Variants in GRIP1 observed in about 807,000 individuals in gnomAD.
GRIP1 encodes the protein glutamate receptor interacting protein 1.
GRIP1 carries 45 observed loss-of-function variants against 129.9 expected under a neutral mutation model. The ratio of observed to expected loss-of-function variants is 0.35; its 90% CI spans 0.27 to 0.44. GRIP1 has a LOEUF of 0.44. GRIP1 is among the 20% of genes least tolerant of loss of function. The pLI, the probability that GRIP1 is intolerant of heterozygous loss-of-function variation, is 1.00. For synonymous variants in GRIP1, 530 were observed against 520.8 expected, an observed-to-expected ratio of 1.02 and a Z score of -0.24; for missense variants, 1,196 against 1,396.8, an observed-to-expected ratio of 0.86 and a Z score of 2.29.
intron 7 of GRIP1, among the ~76,000 whole-genome samples, chr12:66,478,850 A>T (rs1161677012): frequency 6.6e-6 from 1 of 152,152 alleles, no homozygotes; most frequent in African/African-American, 2.4e-5. Context: ...GGACACAGGA[A>T]GGGGAACATC....
At chr12:66,610,851 A>C (rs2064762272) in intron 1 of GRIP1, among the ~76,000 whole-genome samples, 1 of 152,168 alleles carries the variant, frequency 6.6e-6, no homozygotes, top group Non-Finnish European at 1.5e-5. Flanking sequence ...ACCATTTATA[A>C]TATGTACTAT....
intron 1 of GRIP1, among the ~76,000 whole-genome samples, chr12:66,676,104 ATATT>A (rs2034315631): frequency 6.6e-6 from 1 of 152,194 alleles, no homozygotes; most frequent in Admixed American, 6.5e-5. Context: ...TAAAGAAAAA[ATATT>A]TATTGTTCAA....
At chr12:66,484,155 G>A (rs2059890413) in intron 7 of GRIP1, among the ~76,000 whole-genome samples, 1 of 152,056 alleles carries the variant, frequency 6.6e-6, no homozygotes, top group African/African-American at 2.4e-5. Context: ...CACTGCGCCC[G>A]GCCCATTATC....
chr12:66,427,386 G>A (rs2058020553), intron 14 of GRIP1, among the ~76,000 whole-genome samples: 1 of 151,984 alleles, frequency 6.6e-6, no homozygotes. Context: ...CCCCTCTTAG[G>A]AGCCTGCTGA....
chr12:66,859,286 AAAAAACAAAAAAAC>A (rs2040067289), intron 1 of GRIP1, among the ~76,000 whole-genome samples: 7 of 16,014 alleles, frequency 4.4e-4, no homozygotes, highest in South Asian at 0.01. Flanking sequence ...CAAAAAAACA[AAAAAACAAAAAAAC>A]AAAAAAAAAC....
At chr12:67,055,031 T>C (rs61917786) in intron 1 of GRIP1, among the ~76,000 whole-genome samples, 2,424 of 152,240 alleles carry the variant, frequency 0.016, 25 homozygotes, top group Middle Eastern at 0.037. Flanking sequence ...TCATAGGAAA[T>C]AGAATAGGGC....
At chr12:66,664,529 A>G (rs1208225348) in intron 1 of GRIP1, among the ~76,000 whole-genome samples, 1 of 152,212 alleles carries the variant, frequency 6.6e-6, no homozygotes, top group Non-Finnish European at 1.5e-5. Context: ...CAAATGCTAG[A>G]GAACTAAAAT....
chr12:66,915,090 C>A (rs182047175), intron 1 of GRIP1, among the ~76,000 whole-genome samples: 1 of 152,176 alleles, frequency 6.6e-6, no homozygotes, highest in African/African-American at 2.4e-5. Context: ...TTCCTAAAAT[C>A]TCAGTCTTCT....
intron 1 of GRIP1, among the ~76,000 whole-genome samples, chr12:66,884,862 C>T (rs896236929): frequency 1.3e-5 from 2 of 152,166 alleles, no homozygotes; most frequent in African/African-American, 4.8e-5. Flanking sequence ...ATTCTCCACT[C>T]TTTGAAGCTG....
intron 16 of GRIP1, among the ~76,000 whole-genome samples, chr12:66,403,701 T>G (rs1190573401): frequency 1.3e-5 from 2 of 152,202 alleles, no homozygotes; most frequent in African/African-American, 4.8e-5. Context: ...AAACAGAGCC[T>G]CTTAAAATTA....
At chr12:66,354,437 G>T (rs1228937528) in intron 23 of GRIP1, among the ~76,000 whole-genome samples, 1 of 152,208 alleles carries the variant, frequency 6.6e-6, no homozygotes, top group Non-Finnish European at 1.5e-5. Context: ...AGAAAAGCCT[G>T]CCTTCCAGAG....
chr12:66,925,801 C>CA (rs1326972448), intron 1 of GRIP1, among the ~76,000 whole-genome samples: 1 of 152,146 alleles, frequency 6.6e-6, no homozygotes, highest in Non-Finnish European at 1.5e-5. Context: ...TGCGCCACCA[C>CA]ACCTGGCTAA....
intron 1 of GRIP1, among the ~76,000 whole-genome samples, chr12:66,958,167 T>C (rs2041870422): frequency 6.6e-6 from 1 of 152,146 alleles, no homozygotes; most frequent in African/African-American, 2.4e-5. Flanking sequence ...TATAGACAGG[T>C]CTCACTCTGT....
intron 23 of GRIP1, among the ~76,000 whole-genome samples, chr12:66,369,154 G>A (rs1315432703): frequency 6.6e-6 from 1 of 152,122 alleles, no homozygotes; most frequent in Non-Finnish European, 1.5e-5. Flanking sequence ...TCACCATTTA[G>A]AGAAAATGAC....
At position 66,371,505 on chromosome 12, in the gene GRIP1, C is replaced by T. The variant is rs563486470; in HGVS notation, c.3012+189G>A. On this transcript the variant is annotated intron_variant, in intron 23 of 24. Transcript: ENST00000359742. Reference sequence around the variant, plus strand: ...AATACATTGCTTGAAAGCTAGTTTTCCCTGCTTTTCAGGATAACCTCCCAG... The same window carrying T: ...AATACATTGCTTGAAAGCTAGTTTTTCCTGCTTTTCAGGATAACCTCCCAG... Among the ~76,000 whole-genome samples, 18 of 152,262 alleles carry T rather than the reference C, an allele frequency of 1.2e-4. No individual in the cohort carries two copies. The East Asian group carries it at 3.3e-3, about 28-fold the overall frequency.
At chr12:66,830,914 A>G (rs1320247833) in intron 1 of GRIP1, among the ~76,000 whole-genome samples, 1 of 150,126 alleles carries the variant, frequency 6.7e-6, no homozygotes, top group Non-Finnish European at 1.5e-5. Context: ...TGGCGTGATC[A>G]TGGCTCACTG....
intron 1 of GRIP1, among the ~76,000 whole-genome samples, chr12:66,703,342 A>C (rs1488064900): frequency 2.0e-5 from 3 of 152,140 alleles, no homozygotes; most frequent in Admixed American, 1.3e-4. Context: ...TTCATCCCAA[A>C]AGTCATGAAC....
At chr12:67,042,175 C>T (rs1251041653) in intron 1 of GRIP1, among the ~76,000 whole-genome samples, 1 of 152,184 alleles carries the variant, frequency 6.6e-6, no homozygotes, top group African/African-American at 2.4e-5. Context: ...TCACCAGATG[C>T]AGCCTCTCCA....
At chr12:66,491,677 T>G (rs1018614617) in intron 7 of GRIP1, among the ~76,000 whole-genome samples, 2 of 152,212 alleles carry the variant, frequency 1.3e-5, no homozygotes, top group African/African-American at 4.8e-5. Context: ...GCATAATTCT[T>G]TGAGGACCAA....
Sources: allele counts gnomAD v4.1 joint callset (sites outside exome capture counted in the v4.1 genomes callset), GRCh38; gene constraint gnomAD v4.1.1; transcripts MANE v1.5; gene names NCBI Gene and HGNC (gene_info 2026-07-23, HGNC 2026-07-21).